Variants in CALN1 observed in about 807,000 individuals in gnomAD.
CALN1 encodes calneuron 1, also known as calcium-binding protein 8.
Under a neutral mutation model 30.6 loss-of-function variants are expected in CALN1, and 17 were observed. The observed-to-expected ratio is 0.56, with a 90% confidence interval of 0.38 to 0.83. The LOEUF is 0.83. Ranked by LOEUF, CALN1 falls within the 40% of genes least tolerant of loss-of-function variation. The pLI, the probability that CALN1 is intolerant of heterozygous loss-of-function variation, is 0.00. For missense variants in CALN1, 291 were observed against 354.9 expected (o/e 0.82, Z 1.45); for synonymous variants, 156 against 131.4 (o/e 1.19, Z -1.28).
chr7:71,983,147 C>T (rs1195178672), intron 5 of CALN1, among the ~76,000 whole-genome samples: 2 of 152,162 alleles, frequency 1.3e-5, no homozygotes, highest in Admixed American at 1.3e-4. Context: ...AGCTGGGAGT[C>T]CCACTCAGGC....
chr7:71,982,881 G>A (rs1486626745), intron 5 of CALN1, among the ~76,000 whole-genome samples: 2 of 152,172 alleles, frequency 1.3e-5, no homozygotes, highest in African/African-American at 4.8e-5. Context: ...GTAGGAAAGG[G>A]GCTACCTGGG....
intron 2 of CALN1, among the ~76,000 whole-genome samples, chr7:72,310,920 A>T (rs1386399302): frequency 6.6e-6 from 1 of 151,300 alleles, no homozygotes; most frequent in African/African-American, 2.4e-5. Context: ...AAAAAAAAAA[A>T]AAAAAAAACA....
chr7:71,899,758 C>A (rs771229402), intron 5 of CALN1, among the ~76,000 whole-genome samples: 9 of 152,198 alleles, frequency 5.9e-5, no homozygotes, highest in Non-Finnish European at 1.2e-4. Context: ...ATAACTGATA[C>A]CATGTCGTAA....
intron 5 of CALN1, among the ~76,000 whole-genome samples, chr7:71,886,773 C>CA (rs1314583586): frequency 0.26 from 25,640 of 98,124 alleles, 2,765 homozygotes; most frequent in Middle Eastern, 0.35. Context: ...GACTCCATCT[C>CA]AAAAAAAAAA....
intron 3 of CALN1, among the ~76,000 whole-genome samples, chr7:72,224,633 T>G (rs10237823): frequency 0.57 from 85,874 of 151,560 alleles, 24,574 homozygotes; most frequent in South Asian, 0.65. Flanking sequence ...AATACAAAAT[T>G]AGCTGGGAGT....
At position 72,314,418 on chromosome 7, in the gene CALN1, C is replaced by CATATATATACACATATATATAT. The variant is rs1562875678; in HGVS notation, c.120-35609_120-35608insATATATATATGTGTATATATAT. 2.2e-4 allele frequency among the ~76,000 whole-genome samples: 32 copies of CATATATATACACATATATATAT among 148,172 alleles called. 1 individual carries two copies. The highest frequency in any genetic ancestry group is 2.0e-3 in the East Asian group (10 of 5,016). On this transcript the variant is annotated intron_variant, in intron 2 of 6. Coordinates refer to ENST00000395275, the MANE Select transcript of CALN1 (RefSeq NM_031468.4). Reference sequence around the variant, plus strand: ...ATACACATATATACACATATATATACACACATACATAGATTTTTTTTTTTT... The same window carrying CATATATATACACATATATATAT: ...ATACACATATATACACATATATATACATATATATACACATATATATATACACATACATAGATTTTTTTTTTTT...
intron 4 of CALN1, among the ~76,000 whole-genome samples, chr7:72,082,835 A>G (rs1445554519): frequency 6.6e-6 from 1 of 152,156 alleles, no homozygotes; most frequent in East Asian, 1.9e-4. Flanking sequence ...TGGTGCGTAG[A>G]TTTTATTTAT....
At chr7:72,127,414 G>A (rs1231082564) in intron 3 of CALN1, among the ~76,000 whole-genome samples, 3 of 152,132 alleles carry the variant, frequency 2.0e-5, no homozygotes, top group Non-Finnish European at 2.9e-5. Context: ...CTGTGAATGA[G>A]GTGGGAGCTC....
intron 3 of CALN1, among the ~76,000 whole-genome samples, chr7:72,197,003 T>G (rs1330086354): frequency 6.6e-6 from 1 of 152,070 alleles, no homozygotes. Flanking sequence ...TCTAGAGAAA[T>G]GAGTTTATTT....
intron 2 of CALN1, among the ~76,000 whole-genome samples, chr7:72,379,237 C>T (rs1448950426): frequency 6.6e-6 from 1 of 152,142 alleles, no homozygotes; most frequent in Non-Finnish European, 1.5e-5. Context: ...TTAAGCAATC[C>T]TCCCACCACA....
At chr7:72,426,775 C>T (rs1380055311) in intron 1 of CALN1, among the ~76,000 whole-genome samples, 3 of 152,186 alleles carry the variant, frequency 2.0e-5, no homozygotes, top group Non-Finnish European at 4.4e-5. Context: ...ATCAACCTCA[C>T]TTGAGTCTTT....
chr7:72,149,825 C>A (rs1216007473), intron 3 of CALN1, among the ~76,000 whole-genome samples: 1 of 151,930 alleles, frequency 6.6e-6, no homozygotes, highest in African/African-American at 2.4e-5. Flanking sequence ...TAGGAGTTAC[C>A]AGGACAGGCC....
At chr7:72,181,620 G>A (rs1172576126) in intron 3 of CALN1, among the ~76,000 whole-genome samples, 1 of 152,000 alleles carries the variant, frequency 6.6e-6, no homozygotes, top group South Asian at 2.1e-4. Context: ...TGGGATTACA[G>A]GTGTGAGCCA....
At chr7:71,826,818 G>GCTAC (rs1244927413) in intron 5 of CALN1, among the ~76,000 whole-genome samples, 2 of 152,186 alleles carry the variant, frequency 1.3e-5, no homozygotes, top group Non-Finnish European at 2.9e-5. Context: ...TGGGACTACA[G>GCTAC]GTGCATGCCA....
intron 3 of CALN1, among the ~76,000 whole-genome samples, chr7:72,113,819 G>A (rs1807747367): frequency 6.6e-6 from 1 of 152,170 alleles, no homozygotes; most frequent in Non-Finnish European, 1.5e-5. Context: ...GTAGGCCACA[G>A]GGAGCTCCCA....
At chr7:72,460,161 C>T in the CALN1 span, among the ~76,000 whole-genome samples, 1 of 152,118 alleles carries the variant, frequency 6.6e-6, no homozygotes, top group African/African-American at 2.4e-5. Flanking sequence ...GAGATGGCAC[C>T]AAGCCATCCA....
At chr7:72,285,137 C>G (rs1223300591) in intron 2 of CALN1, among the ~76,000 whole-genome samples, 2 of 152,174 alleles carry the variant, frequency 1.3e-5, no homozygotes, top group African/African-American at 4.8e-5. Flanking sequence ...ATTGAAATAG[C>G]AATTTAGAGC....
chr7:72,240,583 T>C lies in CALN1; in HGVS notation c.244+38103A>G, dbSNP rs542265194. ...GTTCATACAAACATTACTGCTAGTT[T>C]GATCAATCAACTGCTCCACATGATT... On this transcript the variant is annotated intron_variant, in intron 3 of 6. Transcript: ENST00000395275. 2.6e-5 allele frequency among the ~76,000 whole-genome samples: 4 copies of C among 152,378 alleles called. No individual in the cohort carries two copies. In the East Asian group the frequency reaches 7.7e-4, roughly 29 times the overall value.
intron 4 of CALN1, among the ~76,000 whole-genome samples, chr7:72,059,904 C>A (rs1044284583): frequency 6.6e-6 from 1 of 152,100 alleles, no homozygotes. Context: ...ATGCAGAGAA[C>A]GCATGGAACA....
Sources: gnomAD v4.1 joint callset for allele counts (sites outside exome capture counted in the v4.1 genomes callset) on GRCh38, gnomAD v4.1.1 for gene constraint, MANE v1.5 for transcripts, NCBI Gene and HGNC (gene_info 2026-07-23, HGNC 2026-07-21) for gene names.